TNFSF4: variants seen among roughly 807,000 people sequenced by gnomAD.
TNFSF4 encodes TNF superfamily member 4.
A neutral mutation model predicts 7.3 loss-of-function variants in TNFSF4; 4 were observed. That is an observed-to-expected ratio of 0.55 (90% CI 0.27 to 1.25). The LOEUF is 1.25. Ranked by LOEUF, TNFSF4 falls within the 50% of genes most tolerant of loss-of-function variation. TNFSF4 has a pLI of 0.12. For synonymous variants in TNFSF4, 76 were observed against 83.7 expected, an observed-to-expected ratio of 0.91 and a Z score of 0.50; for missense variants, 181 against 208.8, an observed-to-expected ratio of 0.87 and a Z score of 0.82.
chr1:173,304,074 ATTTC>A, the TNFSF4 span, among the ~76,000 whole-genome samples: 2 of 151,898 alleles, frequency 1.3e-5, no homozygotes, highest in African/African-American at 4.8e-5. Context: ...GAAAACAGTT[ATTTC>A]TTTCTTTCTC....
chr1:173,391,435 C>CA, the TNFSF4 span, among the ~76,000 whole-genome samples: 521 of 108,754 alleles, frequency 4.8e-3, 14 homozygotes, highest in African/African-American at 0.016. Flanking sequence ...CCTTAGAAAG[C>CA]AAAAAAAAAA....
the TNFSF4 span, among the ~76,000 whole-genome samples, chr1:173,400,632 T>G: frequency 6.6e-6 from 1 of 152,352 alleles, no homozygotes; most frequent in East Asian, 1.9e-4. Flanking sequence ...GTTCCTTTGC[T>G]GACTGGGGTG....
At chr1:173,210,725 TA>T (rs576547861), upstream of TNFSF4, among the ~76,000 whole-genome samples, 165 of 149,994 alleles carry the variant, frequency 1.1e-3, no homozygotes, top group African/African-American at 3.6e-3. Context: ...GAAATAATTC[TA>T]GGGGGGGGAA....
chr1:173,261,521 A>C, the TNFSF4 span, among the ~76,000 whole-genome samples: 11,197 of 152,194 alleles, frequency 0.074, 807 homozygotes, highest in African/African-American at 0.19. Context: ...ACCCTTCAAA[A>C]AAATCAATGA....
At chr1:173,437,501 A>G in the TNFSF4 span, among the ~76,000 whole-genome samples, 1 of 152,162 alleles carries the variant, frequency 6.6e-6, no homozygotes. Context: ...TCACTACAAA[A>G]TTATATAGGC....
the TNFSF4 span, among the ~76,000 whole-genome samples, chr1:173,234,206 A>C: frequency 6.6e-6 from 1 of 152,270 alleles, no homozygotes; most frequent in Non-Finnish European, 1.5e-5. Flanking sequence ...AATGCTCATC[A>C]TCACTGGCCA....
chr1:173,213,972 A>G, the TNFSF4 span, among the ~76,000 whole-genome samples: 1 of 152,202 alleles, frequency 6.6e-6, no homozygotes, highest in Admixed American at 6.5e-5. Flanking sequence ...GTTAATAAAC[A>G]TTCCACTCAG....
the TNFSF4 span, among the ~76,000 whole-genome samples, chr1:173,396,047 T>C: frequency 1.3e-5 from 2 of 152,140 alleles, no homozygotes; most frequent in Non-Finnish European, 2.9e-5. Flanking sequence ...GGACCCACCC[T>C]CACCACCTCT....
upstream of TNFSF4, among the ~76,000 whole-genome samples, chr1:173,211,395 C>G (rs1217796659): frequency 2.0e-5 from 3 of 152,158 alleles, no homozygotes; most frequent in African/African-American, 4.8e-5. Context: ...CATCCTCGTT[C>G]CCAGTCATCA....
chr1:173,221,057 G>A, the TNFSF4 span, among the ~76,000 whole-genome samples: 1 of 152,140 alleles, frequency 6.6e-6, no homozygotes, highest in African/African-American at 2.4e-5. Context: ...AAAGAGCTAG[G>A]GGAAGGAAGA....
the TNFSF4 span, among the ~76,000 whole-genome samples, chr1:173,334,705 C>A: frequency 1.6e-4 from 24 of 152,136 alleles, no homozygotes; most frequent in Non-Finnish European, 2.2e-4. Context: ...GATGAGTCTT[C>A]TTTGCCGGTG....
chr1:173,215,342 C>A, the TNFSF4 span, among the ~76,000 whole-genome samples: 2 of 152,058 alleles, frequency 1.3e-5, no homozygotes, highest in African/African-American at 4.8e-5. Flanking sequence ...ACTAAGATGG[C>A]TGGAAATTAT....
At chr1:173,270,186 GA>G in the TNFSF4 span, among the ~76,000 whole-genome samples, 1 of 152,072 alleles carries the variant, frequency 6.6e-6, no homozygotes, top group East Asian at 1.9e-4. Context: ...AGATTTGGGG[GA>G]AAACATTTAG....
chr1:173,236,712 A>G, the TNFSF4 span, among the ~76,000 whole-genome samples: 3 of 152,178 alleles, frequency 2.0e-5, no homozygotes, highest in African/African-American at 7.2e-5. Context: ...AGGACATAAT[A>G]TTAAGTGAAA....
At chr1:173,197,318 A>C (rs1228058036) in intron 1 of TNFSF4, among the ~76,000 whole-genome samples, 2 of 152,262 alleles carry the variant, frequency 1.3e-5, no homozygotes, top group African/African-American at 2.4e-5. Flanking sequence ...CATTTGACCC[A>C]GCAACCCCAT....
the TNFSF4 span, among the ~76,000 whole-genome samples, chr1:173,243,281 C>T: frequency 6.6e-6 from 1 of 152,120 alleles, no homozygotes; most frequent in East Asian, 1.9e-4. Flanking sequence ...CAACAGAAGC[C>T]AACTCACCAA....
chr1:173,222,346 G>A, the TNFSF4 span, among the ~76,000 whole-genome samples: 1 of 152,128 alleles, frequency 6.6e-6, no homozygotes, highest in East Asian at 1.9e-4. Context: ...GGTCTGAAAT[G>A]ACAAAGGGAA....
chr1:173,308,913 T>C, the TNFSF4 span, among the ~76,000 whole-genome samples: 1 of 151,926 alleles, frequency 6.6e-6, no homozygotes, highest in African/African-American at 2.4e-5. Flanking sequence ...TTGATGTTTA[T>C]AAAATAGCCT....
the TNFSF4 span, among the ~76,000 whole-genome samples, chr1:173,314,986 A>G: frequency 3.0e-4 from 45 of 152,162 alleles, no homozygotes; most frequent in Non-Finnish European, 4.3e-4. Context: ...CACAGTGGAA[A>G]CTCAAAGGAG....
Sources: allele counts gnomAD v4.1 joint callset (sites outside exome capture counted in the v4.1 genomes callset), GRCh38; gene constraint gnomAD v4.1.1; transcripts MANE v1.5; gene names NCBI Gene and HGNC (gene_info 2026-07-23, HGNC 2026-07-21).